CLVS1: variants seen among roughly 807,000 people sequenced by gnomAD.
CLVS1 encodes the protein clavesin-1.
CLVS1 carries 10 observed loss-of-function variants against 33.1 expected under a neutral mutation model. The observed-to-expected ratio is 0.30, with a 90% CI of 0.19 to 0.51. CLVS1 has a LOEUF of 0.51. CLVS1 is among the 20% of genes least tolerant of loss of function. CLVS1 has a pLI of 0.97. For missense variants in CLVS1, 343 were observed against 433.4 expected, an observed-to-expected ratio of 0.79 and a Z score of 1.85; for synonymous variants, 163 against 166.1, an observed-to-expected ratio of 0.98 and a Z score of 0.14.
intron 1 of CLVS1, among the ~76,000 whole-genome samples, chr8:61,122,657 G>A (rs536675371): frequency 6.6e-6 from 1 of 151,224 alleles, no homozygotes; most frequent in African/African-American, 2.4e-5. Context: ...AAAGTGTGAA[G>A]TTAATCATTT....
At chr8:61,106,128 G>T (rs1563404730) in intron 1 of CLVS1, among the ~76,000 whole-genome samples, 1 of 152,132 alleles carries the variant, frequency 6.6e-6, no homozygotes, top group Non-Finnish European at 1.5e-5. Flanking sequence ...TCCTCCCTTT[G>T]CTCCTTCCCT....
intron 2 of CLVS1, among the ~76,000 whole-genome samples, chr8:61,234,488 C>T (rs1808511118): frequency 6.6e-6 from 1 of 152,118 alleles, no homozygotes; most frequent in African/African-American, 2.4e-5. Context: ...ACTAGAAGTG[C>T]ATATATCCGG....
chr8:61,456,084 G>T (rs1817144469), intron 4 of CLVS1, among the ~76,000 whole-genome samples: 1 of 152,208 alleles, frequency 6.6e-6, no homozygotes, highest in African/African-American at 2.4e-5. Context: ...TTCTATTCAG[G>T]TTGGAGCGAG....
intron 4 of CLVS1, 45 bp downstream of exon 4, chr8:61,454,296 G>A (rs751842751): frequency 7.1e-7 from 1 of 1,409,476 alleles, no homozygotes; most frequent in East Asian, 2.3e-5. Context: ...TACAATTTTG[G>A]TGCTTCTATT....
chr8:61,375,566 C>G (rs1813611141), intron 2 of CLVS1, among the ~76,000 whole-genome samples: 1 of 152,106 alleles, frequency 6.6e-6, no homozygotes, highest in African/African-American at 2.4e-5. Flanking sequence ...ACATTTTTAT[C>G]ACAGATTTCC....
intron 5 of CLVS1, chr8:61,464,456 G>C (rs1398982910): frequency 6.6e-6 from 1 of 152,198 alleles, no homozygotes; most frequent in Non-Finnish European, 1.5e-5. Flanking sequence ...CTTGCTTGTA[G>C]AATCTTTCAT....
At chr8:61,077,926 C>T (rs1804953632) in intron 1 of CLVS1, among the ~76,000 whole-genome samples, 1 of 152,182 alleles carries the variant, frequency 6.6e-6, no homozygotes. Context: ...AGGAAGGGGG[C>T]TCCGGCTCCT....
intron 3 of CLVS1, among the ~76,000 whole-genome samples, chr8:61,388,943 C>T (rs1563530876): frequency 6.6e-6 from 1 of 152,166 alleles, no homozygotes; most frequent in Non-Finnish European, 1.5e-5. Flanking sequence ...CCTCCCTAGC[C>T]TCTAATATCC....
intron 1 of CLVS1, among the ~76,000 whole-genome samples, chr8:61,066,108 G>T (rs142061423): frequency 6.6e-6 from 1 of 152,268 alleles, no homozygotes; most frequent in African/African-American, 2.4e-5. Context: ...AGGACGTAAG[G>T]GGGTAAAAGT....
chr8:61,269,546 C>A (rs1809388343), intron 2 of CLVS1, among the ~76,000 whole-genome samples: 1 of 151,660 alleles, frequency 6.6e-6, no homozygotes, highest in Non-Finnish European at 1.5e-5. Flanking sequence ...TTTTCCAATT[C>A]TGTGAAGAAA....
At chr8:61,360,181 C>G (rs1812917201) in intron 2 of CLVS1, among the ~76,000 whole-genome samples, 1 of 152,142 alleles carries the variant, frequency 6.6e-6, no homozygotes, top group Admixed American at 6.5e-5. Flanking sequence ...ACACCTTTCC[C>G]ACTGCATTAA....
intron 1 of CLVS1, among the ~76,000 whole-genome samples, chr8:61,115,367 A>ATTTT (rs1214606305): frequency 6.7e-6 from 1 of 150,358 alleles, no homozygotes; most frequent in Non-Finnish European, 1.5e-5. Flanking sequence ...TTTTATTTTT[A>ATTTT]TTTATTTATT....
chr8:61,089,938 T>TA (rs1243723570), intron 1 of CLVS1, among the ~76,000 whole-genome samples: 4 of 151,876 alleles, frequency 2.6e-5, no homozygotes, highest in South Asian at 4.2e-4. Flanking sequence ...TGTTTATTGT[T>TA]AAAAAAAATC....
the CLVS1 span, among the ~76,000 whole-genome samples, chr8:60,989,063 G>T: frequency 3.3e-5 from 5 of 152,070 alleles, no homozygotes; most frequent in Non-Finnish European, 1.5e-5. Context: ...AGAGATGGGG[G>T]TCTCCCTATG....
intron 3 of CLVS1, among the ~76,000 whole-genome samples, chr8:61,388,236 T>C (rs575368635): frequency 5.4e-4 from 82 of 151,532 alleles, no homozygotes; most frequent in African/African-American, 1.7e-3. Flanking sequence ...TTCAAAACCA[T>C]AGATCAGCTT....
chr8:61,185,224 C>T (rs555191090), intron 2 of CLVS1, among the ~76,000 whole-genome samples: 5 of 151,360 alleles, frequency 3.3e-5, no homozygotes, highest in East Asian at 1.9e-4. Flanking sequence ...CTGTCTGAAG[C>T]GTTGACCCCT....
chr8:61,348,758 A>G lies in CLVS1; in HGVS notation c.456-27847A>G, dbSNP rs576945241. ...TACCCAGAGATGGGATTGCTGGATC[A>G]TGTGGTAGTTCCATTTTTAACTTTT... is the stretch of plus-strand genomic sequence containing the variant. On this transcript the variant is annotated intron_variant, in intron 2 of 5. Transcript: ENST00000325897. Among the ~76,000 whole-genome samples, 527 of 152,260 alleles carry G rather than the reference A, an allele frequency of 3.5e-3. 1 individual carries two copies. Among genetic ancestry groups the G allele is most frequent in the Non-Finnish European group, 5.9e-3 (402 of 68,012 alleles).
At chr8:61,080,086 C>A (rs1804994461) in intron 1 of CLVS1, among the ~76,000 whole-genome samples, 1 of 152,112 alleles carries the variant, frequency 6.6e-6, no homozygotes, top group Non-Finnish European at 1.5e-5. Context: ...TGGAAAGTAG[C>A]AAATATCGTG....
chr8:61,254,302 C>T (rs953541846), intron 2 of CLVS1, among the ~76,000 whole-genome samples: 4 of 152,170 alleles, frequency 2.6e-5, no homozygotes, highest in Non-Finnish European at 5.9e-5. Context: ...GAGGAGTACC[C>T]GGCTGTGTGA....
Sources: gnomAD v4.1 joint callset for allele counts (sites outside exome capture counted in the v4.1 genomes callset) on GRCh38, gnomAD v4.1.1 for gene constraint, MANE v1.5 for transcripts, NCBI Gene and HGNC (gene_info 2026-07-23, HGNC 2026-07-21) for gene names.